The following CDON variants were observed in gnomAD, a reference collection of about 807,000 sequenced individuals.
CDON encodes cell adhesion associated, oncogene regulated.
CDON carries 73 observed loss-of-function variants against 120.9 expected under a neutral mutation model. The ratio of observed to expected loss-of-function variants is 0.60; its 90% CI spans 0.50 to 0.73. The LOEUF (loss-of-function observed/expected upper bound fraction) is 0.73, where lower values mean the gene tolerates loss of function less well. Among genes scored for constraint, CDON ranks in the 30% least tolerant of loss-of-function variants. The pLI is 0.00. For synonymous variants in CDON, 566 were observed against 573.5 expected, an observed-to-expected ratio of 0.99 and a Z score of 0.19; for missense variants, 1,470 against 1,587.3, an observed-to-expected ratio of 0.93 and a Z score of 1.26.
intron 15 of CDON, among the ~76,000 whole-genome samples, chr11:125,984,620 C>A (rs770756927): frequency 8.6e-5 from 13 of 151,454 alleles, no homozygotes; most frequent in Admixed American, 2.0e-4. Context: ...TTGCTTGAAG[C>A]CGGGAGAAGG....
chr11:126,061,855 C>A (rs557554171), intron 1 of CDON, among the ~76,000 whole-genome samples: 25 of 152,308 alleles, frequency 1.6e-4, no homozygotes, highest in Non-Finnish European at 3.1e-4. Flanking sequence ...CTGGAAACAG[C>A]TCCTTTTGGA....
In CDON at chr11:125,960,154, G is replaced by A. The variant is rs1945602599; in HGVS notation, c.*788C>T. The A allele has an allele frequency of 6.6e-6, 1 of 152,258 alleles. No individual in the cohort carries two copies. Among genetic ancestry groups the A allele is most frequent in the Non-Finnish European group, 1.5e-5 (1 of 68,064 alleles). The allele number at this position is 152,258 out of a possible 1,614,324, so 9.4% of individuals were successfully genotyped here. On this transcript the variant is annotated 3_prime_UTR_variant, in exon 20 of 20. Coordinates refer to ENST00000531738, the MANE Select transcript of CDON (RefSeq NM_001378964.1). Reference sequence around the variant, plus strand: ...CTTGTAAAATCCGTCAGCCAGGTCTGTTATTATAAACATGGGTCACAACTG... The same window carrying A: ...CTTGTAAAATCCGTCAGCCAGGTCTATTATTATAAACATGGGTCACAACTG...
chr11:126,056,394 C>T (rs1260138712), intron 1 of CDON, among the ~76,000 whole-genome samples: 1 of 152,172 alleles, frequency 6.6e-6, no homozygotes, highest in Non-Finnish European at 1.5e-5. Flanking sequence ...TTCTCCAGTC[C>T]AGAGGAACCC....
chr11:126,057,318 C>A (rs560492133), intron 1 of CDON, among the ~76,000 whole-genome samples: 1 of 152,248 alleles, frequency 6.6e-6, no homozygotes, highest in East Asian at 1.9e-4. Flanking sequence ...AAAGACTCTA[C>A]AACAATTTAC....
At chr11:126,031,129 A>G (rs184402646) in intron 1 of CDON, among the ~76,000 whole-genome samples, 1 of 152,228 alleles carries the variant, frequency 6.6e-6, no homozygotes, top group African/African-American at 2.4e-5. Context: ...AGAGGAATTC[A>G]TCTTTTATTC....
At chr11:126,017,031 A>G (rs1947487951) in intron 6 of CDON, 57 bp downstream of exon 6, 2 of 1,365,942 alleles carry the variant, frequency 1.5e-6, no homozygotes, top group Non-Finnish European at 1.0e-6. Context: ...TCCTTCAGGT[A>G]TCAGTTAGAC....
At chr11:125,975,500 T>C (rs1297802036) in intron 18 of CDON, among the ~76,000 whole-genome samples, 1 of 152,254 alleles carries the variant, frequency 6.6e-6, no homozygotes, top group Admixed American at 6.5e-5. Flanking sequence ...TTATCCACTA[T>C]ATAAACTCAG....
intron 1 of CDON, among the ~76,000 whole-genome samples, chr11:126,039,330 T>C (rs1177070802): frequency 6.6e-6 from 1 of 152,344 alleles, no homozygotes; most frequent in Non-Finnish European, 1.5e-5. Context: ...AAAACAGCTA[T>C]ATATCCTATG....
intron 1 of CDON, among the ~76,000 whole-genome samples, chr11:126,054,895 G>C (rs1278206846): frequency 2.0e-5 from 3 of 152,150 alleles, no homozygotes; most frequent in Non-Finnish European, 2.9e-5. Context: ...ACGTATCAGT[G>C]CCAGGAGAGA....
intron 14 of CDON, among the ~76,000 whole-genome samples, chr11:125,992,607 A>C (rs1946663252): frequency 6.6e-6 from 1 of 152,208 alleles, no homozygotes; most frequent in African/African-American, 2.4e-5. Flanking sequence ...AAAAGAAACA[A>C]TCATTCCCTC....
At chr11:125,988,950 T>C (rs146238525) in intron 15 of CDON, among the ~76,000 whole-genome samples, 4,636 of 152,154 alleles carry the variant, frequency 0.03, 102 homozygotes, top group African/African-American at 0.059. Flanking sequence ...ATCTAGAAAG[T>C]AGTCAACAAA....
At chr11:125,967,931 AG>A (rs1248419891) in intron 18 of CDON, among the ~76,000 whole-genome samples, 8 of 152,220 alleles carry the variant, frequency 5.3e-5, no homozygotes, top group Non-Finnish European at 1.2e-4. Flanking sequence ...TATGTTGCCC[AG>A]TCTGGTCTTG....
chr11:125,969,866 A>C (rs1454178640), intron 18 of CDON, among the ~76,000 whole-genome samples: 1 of 152,248 alleles, frequency 6.6e-6, no homozygotes, highest in Non-Finnish European at 1.5e-5. Flanking sequence ...GAAATAGAAG[A>C]TTGGAAGAGT....
chr11:126,007,756 T>C (rs1947169409), intron 8 of CDON, among the ~76,000 whole-genome samples: 1 of 152,128 alleles, frequency 6.6e-6, no homozygotes, highest in Non-Finnish European at 1.5e-5. Context: ...GAACTTTTAT[T>C]AAAAGGGGGA....
At chr11:126,000,562 G>A (rs537831272) in intron 11 of CDON, among the ~76,000 whole-genome samples, 1 of 152,200 alleles carries the variant, frequency 6.6e-6, no homozygotes, top group African/African-American at 2.4e-5. Flanking sequence ...TATCTTTGCT[G>A]TTCCAGCATT....
At chr11:125,981,970 CTTTTTTTTTTTTTT>C (rs61446837) in intron 16 of CDON, among the ~76,000 whole-genome samples, 5 of 54,290 alleles carry the variant, frequency 9.2e-5, no homozygotes, top group Admixed American at 3.1e-4. Flanking sequence ...ATTCTATTTT[CTTTTTTTTTTTTTT>C]TTTTTTTTTT....
intron 15 of CDON, among the ~76,000 whole-genome samples, chr11:125,985,207 C>T (rs543862951): frequency 3.8e-4 from 58 of 152,318 alleles, no homozygotes; most frequent in African/African-American, 1.3e-3. Context: ...CAAAGTCTCA[C>T]CCTGTCGCCC....
chr11:126,059,339 C>T (rs56197578), intron 1 of CDON, among the ~76,000 whole-genome samples: 1 of 152,134 alleles, frequency 6.6e-6, no homozygotes, highest in Non-Finnish European at 1.5e-5. Flanking sequence ...TCACTGTAGT[C>T]CTGCTTGTAA....
intron 15 of CDON, among the ~76,000 whole-genome samples, chr11:125,988,843 A>C (rs1209572389): frequency 6.6e-6 from 1 of 152,204 alleles, no homozygotes. Flanking sequence ...AAGTAGATAG[A>C]AGTTACATAT....
Sources: gnomAD v4.1 joint callset for allele counts (sites outside exome capture counted in the v4.1 genomes callset) on GRCh38, gnomAD v4.1.1 for gene constraint, MANE v1.5 for transcripts, NCBI Gene and HGNC (gene_info 2026-07-23, HGNC 2026-07-21) for gene names.